JAM2: variants seen among roughly 807,000 people sequenced by gnomAD.
The protein encoded by JAM2 is junctional adhesion molecule B.
A neutral mutation model predicts 42.0 loss-of-function variants in JAM2; 17 were observed. The ratio of observed to expected loss-of-function variants is 0.40; its 90% CI spans 0.28 to 0.61. The LOEUF (loss-of-function observed/expected upper bound fraction) is 0.61. JAM2 is among the 20% of genes least tolerant of loss of function. JAM2 has a pLI of 0.37. For synonymous variants in JAM2, 118 were observed against 128.6 expected (o/e 0.92, Z 0.56); for missense variants, 319 against 358.3 (o/e 0.89, Z 0.89).
chr21:25,648,249 T>C (rs1468197659), intron 1 of JAM2, among the ~76,000 whole-genome samples: 1 of 152,118 alleles, frequency 6.6e-6, no homozygotes, highest in African/African-American at 2.4e-5. Flanking sequence ...CAAATAGGAA[T>C]GGATTTTGAT....
intron 2 of JAM2, among the ~76,000 whole-genome samples, chr21:25,689,370 T>C (rs1012987610): frequency 6.6e-6 from 1 of 152,216 alleles, no homozygotes; most frequent in Non-Finnish European, 1.5e-5. Context: ...CTGGCTGGAT[T>C]CAGTGCCTTT....
intron 1 of JAM2, among the ~76,000 whole-genome samples, chr21:25,678,027 A>G (rs2033540165): frequency 6.6e-6 from 1 of 152,108 alleles, no homozygotes; most frequent in Non-Finnish European, 1.5e-5. Context: ...TGAGGTCAGG[A>G]GTTTGAGAAC....
At chr21:25,657,819 A>T (rs750661811) in intron 1 of JAM2, among the ~76,000 whole-genome samples, 5 of 152,220 alleles carry the variant, frequency 3.3e-5, no homozygotes, top group Non-Finnish European at 7.3e-5. Flanking sequence ...AAATTATGTT[A>T]TATGTAGCTA....
intron 8 of JAM2, chr21:25,709,711 C>A (rs2034344298): frequency 3.3e-6 from 1 of 300,528 alleles, no homozygotes; most frequent in South Asian, 1.4e-4. Flanking sequence ...CTGGCACCAA[C>A]ACTGCTTGGC....
chr21:25,658,758 A>T (rs916918047), intron 1 of JAM2, among the ~76,000 whole-genome samples: 13 of 152,196 alleles, frequency 8.5e-5, no homozygotes, highest in African/African-American at 3.1e-4. Flanking sequence ...TTGACAAAAC[A>T]CTTTCAGAGG....
In JAM2 at chr21:25,698,802, C is replaced by G; in HGVS notation, c.520C>G (p.Arg174Gly). ...PEYTWFKDGI[R>G]LLENPRLGSQ... ...ATACACATGGTTTAAGGATGGCATC[C>G]GTTTGCTAGAAAATCCCAGACTTGG... is the stretch of plus-strand genomic sequence containing the variant. Residue 174 changes from arginine (R) to glycine (G), a missense_variant, in exon 5 of 10, where the codon CGT (arginine) becomes GGT (glycine). Arg to Gly is a moderately radical substitution (Grantham distance 125, BLOSUM62 -2). Transcript: ENST00000480456. 6.2e-7 allele frequency: 1 copy of G among 1,614,100 alleles called. No homozygotes were observed. Among genetic ancestry groups the G allele is most frequent in the Non-Finnish European group, 8.5e-7 (1 of 1,180,000 alleles).
chr21:25,692,642 C>A (rs1333627577), intron 3 of JAM2: 7 of 152,098 alleles, frequency 4.6e-5, no homozygotes, highest in Non-Finnish European at 8.8e-5. Flanking sequence ...CATGAATGAA[C>A]TTATTATTAT....
intron 8 of JAM2, among the ~76,000 whole-genome samples, chr21:25,710,678 G>C (rs1054179071): frequency 6.6e-6 from 1 of 152,228 alleles, no homozygotes; most frequent in Non-Finnish European, 1.5e-5. Context: ...GGAACAGAAT[G>C]AGAGAAACAG....
chr21:25,687,834 T>C (rs1173032142), intron 2 of JAM2, among the ~76,000 whole-genome samples: 1 of 152,226 alleles, frequency 6.6e-6, no homozygotes, highest in Non-Finnish European at 1.5e-5. Flanking sequence ...GGCTACTGTT[T>C]TTCAAAAATT....
intron 9 of JAM2, among the ~76,000 whole-genome samples, chr21:25,713,560 G>A (rs1377748188): frequency 6.6e-6 from 1 of 151,758 alleles, no homozygotes; most frequent in African/African-American, 2.4e-5. Flanking sequence ...TAGAGTCTGG[G>A]GGGTGGGGTG....
At chr21:25,647,981 C>T (rs901386947) in intron 1 of JAM2, among the ~76,000 whole-genome samples, 4 of 152,150 alleles carry the variant, frequency 2.6e-5, no homozygotes, top group African/African-American at 7.2e-5. Flanking sequence ...GAGGCCAAGA[C>T]GGGTGGATCA....
At chr21:25,673,118 G>A (rs1268771533) in intron 1 of JAM2, among the ~76,000 whole-genome samples, 1 of 152,238 alleles carries the variant, frequency 6.6e-6, no homozygotes, top group Non-Finnish European at 1.5e-5. Flanking sequence ...CTTCATGTCT[G>A]ATGAGGAGTG....
At chr21:25,702,821 G>A (rs890320131) in intron 6 of JAM2, among the ~76,000 whole-genome samples, 3 of 151,796 alleles carry the variant, frequency 2.0e-5, no homozygotes, top group East Asian at 1.9e-4. Context: ...ATTCACATAC[G>A]TCCCCATGGG....
rs143753973 is a variant in JAM2 at position 25,670,736 on chromosome 21, T to C, written c.68-13147T>C. Among the ~76,000 whole-genome samples the C allele has an allele frequency of 3.2e-3, 480 of 152,332 alleles. 3 individuals are homozygous for C. The highest frequency in any genetic ancestry group is 0.01 in the African/African-American group (429 of 41,580). On this transcript the variant is annotated intron_variant, in intron 1 of 9. Transcript: ENST00000480456. ...TGTTTTTACCAAAAGAAAAGGGAAA[T>C]TGTGGTTCCTGGATTTACAGGACCC...
At chr21:25,658,608 G>A (rs901112998) in intron 1 of JAM2, among the ~76,000 whole-genome samples, 5 of 152,126 alleles carry the variant, frequency 3.3e-5, no homozygotes, top group African/African-American at 1.2e-4. Flanking sequence ...CATGGAAGCT[G>A]GGGAGGAATT....
intron 4 of JAM2, among the ~76,000 whole-genome samples, chr21:25,695,481 A>G (rs1033009638): frequency 2.0e-5 from 3 of 152,138 alleles, no homozygotes; most frequent in African/African-American, 4.8e-5. Context: ...GTTCTCAATG[A>G]GCTGTTGGGT....
Position 25,639,832 on chromosome 21 carries a change from G to A in JAM2, c.11G>A (p.Arg4Lys). ...TGCCGCCCCGGGAAGATGGCGAGGA[G>A]GAGCCGCCACCGCCTCCTCCTGCTG... MAR[R>K]SRHRLLLLLL... The change falls in exon 1 of 10, where the codon AGG becomes AAG. Residue 4 changes from arginine (R) to lysine (K), a missense_variant. Arg to Lys is a conservative substitution (Grantham distance 26). Coordinates refer to ENST00000480456, the MANE Select transcript of JAM2 (RefSeq NM_021219.4). The A allele has an allele frequency of 6.3e-7, 1 of 1,586,280 alleles. No individual in the cohort carries two copies.
At position 25,714,274 on chromosome 21, in the gene JAM2, C is replaced by T. The variant is rs78113205; in HGVS notation, c.865-366C>T. 4.7e-5 allele frequency: 58 copies of T among 1,231,802 alleles called. No individual in the cohort carries two copies. In the South Asian group the frequency reaches 6.7e-4, roughly 14 times the overall value. 76.3% of individuals were successfully genotyped at this position (1,231,802 alleles called of 1,614,324 possible). On this transcript the variant is annotated intron_variant, in intron 9 of 9. Coordinates refer to ENST00000480456, the MANE Select transcript of JAM2 (RefSeq NM_021219.4). ...GTAATCCCAGCACTTTGGAAGGCCGCGGCGGGCGGATCACGAGGTCAGGAG... is the reference window on the plus strand; with the variant it reads ...GTAATCCCAGCACTTTGGAAGGCCGTGGCGGGCGGATCACGAGGTCAGGAG...
At chr21:25,699,988 A>G (rs937026984) in intron 5 of JAM2, among the ~76,000 whole-genome samples, 1 of 152,094 alleles carries the variant, frequency 6.6e-6, no homozygotes, top group Non-Finnish European at 1.5e-5. Context: ...TATTTCCATG[A>G]CTGTAGATCA....
Sources: gnomAD v4.1 joint callset for allele counts (sites outside exome capture counted in the v4.1 genomes callset) on GRCh38, gnomAD v4.1.1 for gene constraint, MANE v1.5 for transcripts, NCBI Gene and HGNC (gene_info 2026-07-23, HGNC 2026-07-21) for gene names.